The following ARHGAP20 variants were observed in gnomAD, a reference collection of about 807,000 sequenced individuals.
ARHGAP20 encodes rho GTPase-activating protein 20.
A neutral mutation model predicts 73.7 loss-of-function variants in ARHGAP20; 34 were observed. The ratio of observed to expected loss-of-function variants is 0.46; its 90% CI spans 0.35 to 0.61. The LOEUF (loss-of-function observed/expected upper bound fraction) is 0.61. ARHGAP20 is among the 20% of genes least tolerant of loss of function. The pLI is 0.00. For synonymous variants in ARHGAP20, 523 were observed against 518.2 expected, an observed-to-expected ratio of 1.01 and a Z score of -0.13; for missense variants, 1,314 against 1,420.9, an observed-to-expected ratio of 0.92 and a Z score of 1.21.
intron 1 of ARHGAP20, among the ~76,000 whole-genome samples, chr11:110,700,711 G>A (rs1950429525): frequency 6.6e-6 from 1 of 150,830 alleles, no homozygotes. Flanking sequence ...CTAGCATTAG[G>A]TATATCTTCC....
At position 110,680,895 on chromosome 11, in the gene ARHGAP20, GT is replaced by G. The variant is rs1950025028; in HGVS notation, c.188+9651del. On this transcript the variant is annotated intron_variant, in intron 2 of 14. Transcript: ENST00000683387. Reference sequence around the variant, plus strand: ...TAACAAAGTAATGAGTTTCATTTTGGTAAAAAATTTGCCAACTTTGCCACCT... The same window carrying G: ...TAACAAAGTAATGAGTTTCATTTTGGAAAAAATTTGCCAACTTTGCCACCT... 2.0e-5 allele frequency among the ~76,000 whole-genome samples: 3 copies of G among 152,264 alleles called. No individual in the cohort carries two copies. The South Asian group carries it at 6.2e-4, about 32-fold the overall frequency.
intron 4 of ARHGAP20, among the ~76,000 whole-genome samples, chr11:110,618,562 T>C (rs1948538319): frequency 2.0e-5 from 3 of 152,234 alleles, no homozygotes; most frequent in African/African-American, 4.8e-5. Flanking sequence ...ATAGAGTATA[T>C]GTAGTGATAG....
At chr11:110,658,812 G>A (rs945417696) in intron 2 of ARHGAP20, among the ~76,000 whole-genome samples, 3 of 147,292 alleles carry the variant, frequency 2.0e-5, no homozygotes, top group African/African-American at 5.0e-5. Context: ...GGTTACCAGA[G>A]CCTGCAGTAG....
intron 2 of ARHGAP20, among the ~76,000 whole-genome samples, chr11:110,676,083 T>G (rs1949923805): frequency 6.6e-6 from 1 of 152,202 alleles, no homozygotes. Context: ...GCACATTTAT[T>G]TCACAACTCT....
chr11:110,672,244 C>T (rs1051316464), intron 2 of ARHGAP20, among the ~76,000 whole-genome samples: 4 of 152,106 alleles, frequency 2.6e-5, no homozygotes, highest in Non-Finnish European at 5.9e-5. Flanking sequence ...GGGGAAACAT[C>T]TGATTATATA....
intron 4 of ARHGAP20, among the ~76,000 whole-genome samples, chr11:110,620,853 C>T (rs1218364485): frequency 6.6e-6 from 1 of 151,888 alleles, no homozygotes; most frequent in African/African-American, 2.4e-5. Context: ...AGGCAGATCA[C>T]CTGAGGTCAG....
intron 2 of ARHGAP20, among the ~76,000 whole-genome samples, chr11:110,673,477 C>T (rs61364557): frequency 2.1e-4 from 32 of 152,190 alleles, no homozygotes; most frequent in African/African-American, 7.5e-4. Flanking sequence ...ACTTAGGTAT[C>T]TACATTAAAA....
chr11:110,597,362 A>T (rs1331631456), intron 9 of ARHGAP20, among the ~76,000 whole-genome samples: 1 of 151,866 alleles, frequency 6.6e-6, no homozygotes, highest in African/African-American at 2.4e-5. Context: ...CTGTACGTCT[A>T]GCAAGGTCAA....
intron 1 of ARHGAP20, among the ~76,000 whole-genome samples, chr11:110,703,948 C>G (rs1015791598): frequency 4.6e-5 from 7 of 152,152 alleles, no homozygotes; most frequent in Admixed American, 2.0e-4. Flanking sequence ...GCACCTGGCT[C>G]CCCAGTATCC....
chr11:110,585,217 C>T (rs1290708008), intron 12 of ARHGAP20, among the ~76,000 whole-genome samples: 1 of 151,344 alleles, frequency 6.6e-6, no homozygotes, highest in Non-Finnish European at 1.5e-5. Context: ...TTACTAGTTC[C>T]CTCATAAACG....
chr11:110,634,866 G>A (rs772111684), intron 2 of ARHGAP20, among the ~76,000 whole-genome samples: 5 of 152,064 alleles, frequency 3.3e-5, no homozygotes, highest in Non-Finnish European at 7.4e-5. Flanking sequence ...ATATTTGAGA[G>A]TCACTTCAGG....
intron 2 of ARHGAP20, among the ~76,000 whole-genome samples, chr11:110,658,886 T>G (rs2135035349): frequency 6.6e-6 from 1 of 152,134 alleles, no homozygotes; most frequent in East Asian, 1.9e-4. Context: ...TGCTAAGGAG[T>G]TAACTATATC....
At chr11:110,704,345 T>C (rs960672513) in intron 1 of ARHGAP20, among the ~76,000 whole-genome samples, 3 of 152,258 alleles carry the variant, frequency 2.0e-5, no homozygotes, top group East Asian at 1.9e-4. Flanking sequence ...GGGGCACACA[T>C]ACATTCCATT....
chr11:110,601,451 T>C (rs979752785), intron 9 of ARHGAP20, among the ~76,000 whole-genome samples: 2 of 152,200 alleles, frequency 1.3e-5, no homozygotes, highest in Non-Finnish European at 2.9e-5. Context: ...AAGATGGCTC[T>C]GTTACTTGTG....
At chr11:110,637,760 A>G (rs1222745068) in intron 2 of ARHGAP20, among the ~76,000 whole-genome samples, 2 of 152,104 alleles carry the variant, frequency 1.3e-5, no homozygotes, top group African/African-American at 4.8e-5. Flanking sequence ...AGCACAAAAA[A>G]GCAAAAACAG....
At chr11:110,690,688 AT>A (rs555219591) in intron 1 of ARHGAP20, 59 bp from the exon 2 acceptor site, 266 of 1,513,876 alleles carry the variant, frequency 1.8e-4, no homozygotes, top group Non-Finnish European at 2.1e-4. Flanking sequence ...GACAATGTTG[AT>A]TTTTTTTTAA....
chr11:110,602,858 T>G (rs907706314), intron 9 of ARHGAP20, among the ~76,000 whole-genome samples: 1 of 152,196 alleles, frequency 6.6e-6, no homozygotes, highest in Admixed American at 6.5e-5. Context: ...TAACCTTGAA[T>G]AGTCTGCATA....
At chr11:110,650,316 C>G (rs539884992) in intron 2 of ARHGAP20, among the ~76,000 whole-genome samples, 5 of 152,170 alleles carry the variant, frequency 3.3e-5, no homozygotes, top group African/African-American at 9.6e-5. Context: ...AATAGCTAAA[C>G]AAAACAGCAT....
intron 2 of ARHGAP20, among the ~76,000 whole-genome samples, chr11:110,670,803 A>G (rs1175359922): frequency 2.6e-5 from 4 of 152,042 alleles, no homozygotes; most frequent in Admixed American, 2.0e-4. Flanking sequence ...CCCCTTTCTA[A>G]CCACAAGAAA....
Sources: allele counts gnomAD v4.1 joint callset (sites outside exome capture counted in the v4.1 genomes callset), GRCh38; gene constraint gnomAD v4.1.1; transcripts MANE v1.5; gene names NCBI Gene and HGNC (gene_info 2026-07-23, HGNC 2026-07-21).